GRM8: variants seen among roughly 807,000 people sequenced by gnomAD.
The protein encoded by GRM8 is metabotropic glutamate receptor 8.
Under a neutral mutation model 87.2 loss-of-function variants are expected in GRM8, and 47 were observed. That is an observed-to-expected ratio of 0.54 (90% confidence interval 0.43 to 0.69). The LOEUF (loss-of-function observed/expected upper bound fraction) is 0.69. GRM8 is among the 30% of genes least tolerant of loss of function. The pLI is 0.00. For synonymous variants in GRM8, 396 were observed against 404.5 expected (o/e 0.98, Z 0.25); for missense variants, 1,019 against 1,139.2 (o/e 0.89, Z 1.52).
chr7:126,636,509 C>T (rs559912577), intron 7 of GRM8, among the ~76,000 whole-genome samples: 1 of 152,060 alleles, frequency 6.6e-6, no homozygotes. Context: ...AAAGTCTGTA[C>T]ATGTTCAATA....
intron 3 of GRM8, among the ~76,000 whole-genome samples, chr7:126,995,639 C>T (rs1014923854): frequency 6.6e-6 from 1 of 152,092 alleles, no homozygotes; most frequent in East Asian, 1.9e-4. Context: ...AGCTTGAAGA[C>T]AGGCTCCTTG....
intron 7 of GRM8, among the ~76,000 whole-genome samples, chr7:126,614,595 G>T (rs929239422): frequency 6.6e-6 from 1 of 152,134 alleles, no homozygotes; most frequent in Non-Finnish European, 1.5e-5. Context: ...GAGGAAGTTC[G>T]AACCCAATGC....
intron 8 of GRM8, among the ~76,000 whole-genome samples, chr7:126,560,205 G>A (rs1793560234): frequency 1.3e-5 from 2 of 152,168 alleles, no homozygotes; most frequent in South Asian, 4.1e-4. Context: ...GTCTATATCA[G>A]TGATAATATA....
intron 9 of GRM8, among the ~76,000 whole-genome samples, chr7:126,446,854 T>C (rs1397577297): frequency 6.6e-6 from 1 of 151,942 alleles, no homozygotes; most frequent in Non-Finnish European, 1.5e-5. Flanking sequence ...ATAATGCTAG[T>C]GGTTGCATCT....
chr7:127,212,410 A>ATTGTTTTTTTT (rs1796265035), intron 2 of GRM8, among the ~76,000 whole-genome samples: 1 of 97,720 alleles, frequency 1.0e-5, no homozygotes, highest in Non-Finnish European at 1.9e-5. Flanking sequence ...ACATGGTGTT[A>ATTGTTTTTTTT]TTTTTTTTTT....
rs1332684391 is a variant in GRM8 at position 126,685,627 on chromosome 7, G to A, written c.1358-76129C>T. Among the ~76,000 whole-genome samples the A allele has an allele frequency of 6.6e-6, 1 of 152,078 alleles. No individual in the cohort carries two copies. Among genetic ancestry groups the A allele is most frequent in the African/African-American group, 2.4e-5 (1 of 41,430 alleles). ...TGTTGCAGTTTGGCCAGGGGCATAT[G>A]CTCAGGGCAGCAGTGACCCACCAAC... On this transcript the variant is annotated intron_variant, in intron 7 of 10. Coordinates refer to ENST00000339582, the MANE Select transcript of GRM8 (RefSeq NM_000845.3). This position sits in a 1 kb window ranked among gnomAD's most constrained non-coding sequence, Gnocchi z 4.2.
chr7:127,221,690 G>A (rs756059121), intron 2 of GRM8, among the ~76,000 whole-genome samples: 1 of 152,144 alleles, frequency 6.6e-6, no homozygotes, highest in Non-Finnish European at 1.5e-5. Context: ...TCTGCTTCTA[G>A]GGAATCTAAC....
At chr7:127,013,556 G>C (rs1419946637) in intron 3 of GRM8, among the ~76,000 whole-genome samples, 2 of 152,044 alleles carry the variant, frequency 1.3e-5, no homozygotes, top group African/African-American at 4.8e-5. Flanking sequence ...GGGGCAGTGG[G>C]CAGGGATGAA....
At chr7:126,507,825 C>A (rs1368916932) in intron 9 of GRM8, among the ~76,000 whole-genome samples, 1 of 152,012 alleles carries the variant, frequency 6.6e-6, no homozygotes, top group African/African-American at 2.4e-5. Context: ...AACACCTCAT[C>A]TTCAACCCTA....
intron 8 of GRM8, among the ~76,000 whole-genome samples, chr7:126,583,782 T>G (rs1585122806): frequency 6.6e-6 from 1 of 152,180 alleles, no homozygotes; most frequent in Non-Finnish European, 1.5e-5. Flanking sequence ...TGAGACAGAA[T>G]CTACTCCTGC....
At chr7:126,935,956 A>G (rs1806269772) in intron 3 of GRM8, among the ~76,000 whole-genome samples, 1 of 152,198 alleles carries the variant, frequency 6.6e-6, no homozygotes, top group South Asian at 2.1e-4. Context: ...GGGTAAGCTC[A>G]TCATTTTTAC....
At chr7:126,748,580 A>G (rs1345365580) in intron 7 of GRM8, among the ~76,000 whole-genome samples, 2 of 151,000 alleles carry the variant, frequency 1.3e-5, no homozygotes, top group Admixed American at 6.6e-5. Context: ...ATGCAATACC[A>G]ACTAAAATCA....
chr7:126,858,084 C>T (rs1253840012), intron 6 of GRM8, among the ~76,000 whole-genome samples: 1 of 152,202 alleles, frequency 6.6e-6, no homozygotes, highest in African/African-American at 2.4e-5. Flanking sequence ...TAACCCCATT[C>T]ACCCAGTTAT....
chr7:126,637,877 A>G lies in GRM8; in HGVS notation c.1358-28379T>C, dbSNP rs1802015895. ...ATTTTAGAAGTACCCAACATGAACA[A>G]TTATTCCCCTGAAGGTAGATGATAC... On this transcript the variant is annotated intron_variant, in intron 7 of 10. Transcript: ENST00000339582. Among the ~76,000 whole-genome samples, 4 of 152,098 alleles carry G rather than the reference A, an allele frequency of 2.6e-5. No individual in the cohort carries two copies. In the South Asian group the frequency reaches 8.3e-4, roughly 32 times the overall value.
At chr7:126,524,479 T>C (rs554427922) in intron 9 of GRM8, among the ~76,000 whole-genome samples, 1 of 152,304 alleles carries the variant, frequency 6.6e-6, no homozygotes, top group South Asian at 2.1e-4. Flanking sequence ...GAATTTTCTG[T>C]CAATTAGTGA....
chr7:126,881,006 T>G (rs889172334), intron 6 of GRM8, among the ~76,000 whole-genome samples: 18 of 152,248 alleles, frequency 1.2e-4, no homozygotes, highest in Non-Finnish European at 2.4e-4. Flanking sequence ...GCCCTGTATT[T>G]TCTTATCTGT....
intron 9 of GRM8, chr7:126,512,589 A>G (rs1310677341): frequency 6.6e-6 from 1 of 152,238 alleles, no homozygotes; most frequent in Non-Finnish European, 1.5e-5. Context: ...CTTGGGATAC[A>G]AACTCCACAG....
Position 127,243,411 on chromosome 7 carries a change from T to A in GRM8, c.-207A>T, listed in dbSNP as rs528144789. ...GGTTCAATTTTATTTCCTTATAAGA[T>A]CAACTTGCCTGGAATGGTGCAAAAA... is the stretch of plus-strand genomic sequence containing the variant. On this transcript the variant is annotated 5_prime_UTR_variant, in exon 2 of 11. Coordinates refer to ENST00000339582, the MANE Select transcript of GRM8 (RefSeq NM_000845.3). 1 of 554,132 alleles carries A rather than the reference T, an allele frequency of 1.8e-6. No individual in the cohort carries two copies. The highest frequency in any genetic ancestry group is 1.9e-5 in the African/African-American group (1 of 53,140). 34.3% of individuals were successfully genotyped at this position (554,132 alleles called of 1,614,324 possible).
intron 6 of GRM8, among the ~76,000 whole-genome samples, chr7:126,872,758 T>A (rs1015188745): frequency 3.3e-5 from 5 of 152,124 alleles, no homozygotes; most frequent in Non-Finnish European, 7.4e-5. Context: ...ATTACACAGG[T>A]GCATCAAAGA....
Sources: allele counts gnomAD v4.1 joint callset (sites outside exome capture counted in the v4.1 genomes callset), GRCh38; gene constraint gnomAD v4.1.1; non-coding constraint Gnocchi (gnomAD v3.1); transcripts MANE v1.5; gene names NCBI Gene and HGNC (gene_info 2026-07-23, HGNC 2026-07-21).